Variants in OPCML observed in about 807,000 individuals in gnomAD.
OPCML encodes opioid binding protein/cell adhesion molecule like, also known as opioid-binding protein/cell adhesion molecule.
OPCML carries 13 observed loss-of-function variants against 37.8 expected under a neutral mutation model. The observed-to-expected ratio is 0.34, with a 90% CI of 0.22 to 0.55. The LOEUF (loss-of-function observed/expected upper bound fraction) is 0.55. OPCML is among the 20% of genes least tolerant of loss of function. The pLI is 0.91. For synonymous variants in OPCML, 176 were observed against 168.8 expected, an observed-to-expected ratio of 1.04 and a Z score of -0.33; for missense variants, 341 against 435.6, an observed-to-expected ratio of 0.78 and a Z score of 1.93.
chr11:133,086,968 C>T (rs1434408119), intron 1 of OPCML, among the ~76,000 whole-genome samples: 1 of 152,154 alleles, frequency 6.6e-6, no homozygotes, highest in East Asian at 1.9e-4. Context: ...CTACATTAAC[C>T]CTTAGAACCT....
At chr11:132,588,989 T>C (rs745890534) in intron 3 of OPCML, among the ~76,000 whole-genome samples, 2 of 152,212 alleles carry the variant, frequency 1.3e-5, no homozygotes, top group South Asian at 2.1e-4. Context: ...CTTCATTATG[T>C]TGAGTCTCTA....
At chr11:132,481,615 C>T (rs2096180773) in intron 4 of OPCML, among the ~76,000 whole-genome samples, 1 of 151,534 alleles carries the variant, frequency 6.6e-6, no homozygotes, top group Admixed American at 6.6e-5. Context: ...ACAGAATATA[C>T]ATTTTTTTCA....
rs1247746612 is a variant in OPCML at position 133,206,956 on chromosome 11, T to C, written c.62-263946A>G. 6.6e-6 allele frequency among the ~76,000 whole-genome samples: 1 copy of C among 151,856 alleles called. No individual in the cohort carries two copies. Among genetic ancestry groups the C allele is most frequent in the African/African-American group, 2.4e-5 (1 of 41,324 alleles). On this transcript the variant is annotated intron_variant, in intron 1 of 7. Coordinates refer to ENST00000524381, the MANE Select transcript of OPCML (RefSeq NM_001012393.5). This position sits in a 1 kb window ranked among gnomAD's most constrained non-coding sequence, Gnocchi z 4.7. Reference sequence around the variant, plus strand: ...CGTAATCCAGATGTTGCTCCTGAAATGCACTCACGTGATCTCTCAGAGGAA... The same window carrying C: ...CGTAATCCAGATGTTGCTCCTGAAACGCACTCACGTGATCTCTCAGAGGAA...
chr11:133,362,475 T>C (rs986586652), intron 1 of OPCML, among the ~76,000 whole-genome samples: 9 of 152,110 alleles, frequency 5.9e-5, no homozygotes, highest in Non-Finnish European at 8.8e-5. Flanking sequence ...TGCTTAGGCC[T>C]CCGGGGAAGT....
At chr11:133,343,367 T>A (rs554694178) in intron 1 of OPCML, among the ~76,000 whole-genome samples, 40 of 152,090 alleles carry the variant, frequency 2.6e-4, no homozygotes, top group African/African-American at 9.2e-4. Context: ...CACTCCCAAA[T>A]CTCCCTCATT....
At chr11:133,411,727 A>T (rs1260434834) in intron 1 of OPCML, among the ~76,000 whole-genome samples, 2 of 152,230 alleles carry the variant, frequency 1.3e-5, no homozygotes, top group African/African-American at 4.8e-5. Context: ...AGGCTCAGCC[A>T]GTGAAGCCCA....
chr11:133,478,147 G>T (rs1193043414), intron 1 of OPCML, among the ~76,000 whole-genome samples: 2 of 152,186 alleles, frequency 1.3e-5, no homozygotes, highest in African/African-American at 4.8e-5. Context: ...CAGGGTGGCA[G>T]TACAGAATCC....
At chr11:132,790,217 G>T (rs1266704695) in intron 2 of OPCML, among the ~76,000 whole-genome samples, 1 of 152,164 alleles carries the variant, frequency 6.6e-6, no homozygotes, top group Non-Finnish European at 1.5e-5. Context: ...AAGAGATAAA[G>T]AAAATGTGTT....
chr11:133,131,534 A>G (rs576486845), intron 1 of OPCML, among the ~76,000 whole-genome samples: 1 of 152,208 alleles, frequency 6.6e-6, no homozygotes, highest in Non-Finnish European at 1.5e-5. Flanking sequence ...CAAGGATGTG[A>G]AGCAACAGGA....
At chr11:133,422,717 T>G in intron 1 of OPCML, 8 of 981,764 alleles carry the variant, frequency 8.1e-6, no homozygotes, top group Non-Finnish European at 9.7e-6. Context: ...CTCTCAAACT[T>G]TCTCATATTT....
chr11:132,977,334 C>G (rs1946486757), intron 1 of OPCML, among the ~76,000 whole-genome samples: 1 of 152,068 alleles, frequency 6.6e-6, no homozygotes, highest in Non-Finnish European at 1.5e-5. Flanking sequence ...AGGTCTACCT[C>G]TCTCTCTCTG....
chr11:132,472,916 ACCC>A, intron 4 of OPCML, among the ~76,000 whole-genome samples: 1 of 152,320 alleles, frequency 6.6e-6, no homozygotes, highest in South Asian at 2.1e-4. Context: ...CTGAATGTTA[ACCC>A]AAGAAGGAGA....
At chr11:132,693,744 C>T (rs905720922) in intron 2 of OPCML, among the ~76,000 whole-genome samples, 1 of 152,166 alleles carries the variant, frequency 6.6e-6, no homozygotes, top group Admixed American at 6.5e-5. Context: ...TAGGCCACCA[C>T]CTTTTCCTTC....
At chr11:132,837,836 C>T (rs1028061553) in intron 2 of OPCML, among the ~76,000 whole-genome samples, 2 of 152,146 alleles carry the variant, frequency 1.3e-5, no homozygotes, top group Admixed American at 6.5e-5. Flanking sequence ...AGGAGCTAAG[C>T]GGGTCAGTAC....
At chr11:133,193,772 T>C (rs1592091209) in intron 1 of OPCML, among the ~76,000 whole-genome samples, 1 of 152,312 alleles carries the variant, frequency 6.6e-6, no homozygotes, top group East Asian at 1.9e-4. Flanking sequence ...CGGCATATCC[T>C]GTAAAAATCG....
chr11:132,621,556 C>T (rs528047497), intron 3 of OPCML, among the ~76,000 whole-genome samples: 4 of 152,152 alleles, frequency 2.6e-5, no homozygotes, highest in African/African-American at 7.2e-5. Flanking sequence ...ATGAGTACCT[C>T]CTAGATGAAT....
At chr11:132,664,295 A>G (rs1317302577) in intron 2 of OPCML, among the ~76,000 whole-genome samples, 1 of 152,172 alleles carries the variant, frequency 6.6e-6, no homozygotes, top group Non-Finnish European at 1.5e-5. Flanking sequence ...GAAATCCATG[A>G]AAATCTTGTC....
chr11:132,694,177 GTCTTTTTTTTTTTTTTTTTTTTTTT>G (rs1442248095), intron 2 of OPCML, among the ~76,000 whole-genome samples: 2 of 63,922 alleles, frequency 3.1e-5, no homozygotes, highest in African/African-American at 1.2e-4. Context: ...TGAAATCAAT[GTCTTTTTTTTTTTTTTTTTTTTTTT>G]TTTTTTTTTT....
At chr11:132,542,984 CTT>C (rs2096360564) in intron 3 of OPCML, among the ~76,000 whole-genome samples, 1 of 152,164 alleles carries the variant, frequency 6.6e-6, no homozygotes. Context: ...TACAGAAACT[CTT>C]TATCTTGGGA....
Sources: allele counts gnomAD v4.1 joint callset (sites outside exome capture counted in the v4.1 genomes callset), GRCh38; gene constraint gnomAD v4.1.1; non-coding constraint Gnocchi (gnomAD v3.1); transcripts MANE v1.5; gene names NCBI Gene and HGNC (gene_info 2026-07-23, HGNC 2026-07-21).